The following IGF2R variants were observed in gnomAD, a reference collection of about 807,000 sequenced individuals.
The protein encoded by IGF2R is insulin like growth factor 2 receptor, also known as cation-independent mannose-6-phosphate receptor.
IGF2R carries 91 observed loss-of-function variants against 270.6 expected under a neutral mutation model. The observed-to-expected ratio is 0.34, with a 90% CI of 0.28 to 0.40. The LOEUF is 0.40. Ranked by LOEUF, IGF2R falls within the 10% of genes least tolerant of loss-of-function variation. The pLI, the probability that IGF2R is intolerant of heterozygous loss-of-function variation, is 1.00. For missense variants in IGF2R, 2,805 were observed against 3,188.3 expected (o/e 0.88, Z 2.90); for synonymous variants, 1,316 against 1,258.9 (o/e 1.05, Z -0.96).
intron 4 of IGF2R, among the ~76,000 whole-genome samples, chr6:160,015,787 G>T (rs188924482): frequency 6.6e-6 from 1 of 152,272 alleles, no homozygotes; most frequent in African/African-American, 2.4e-5. Context: ...AAATCATGGG[G>T]GTCCCTCATG....
intron 7 of IGF2R, among the ~76,000 whole-genome samples, chr6:160,031,310 CTTTA>C (rs957962861): frequency 6.6e-6 from 1 of 151,996 alleles, no homozygotes; most frequent in Non-Finnish European, 1.5e-5. Flanking sequence ...TTTAAAAATG[CTTTA>C]TTTAATTTAT....
chr6:160,064,378 T>G (rs761561639), intron 27 of IGF2R, 23 bp from the exon 28 acceptor site: 3 of 1,614,176 alleles, frequency 1.9e-6, no homozygotes, highest in South Asian at 1.1e-5. Context: ...CCAAACCTTG[T>G]TTAATGTTCT....
chr6:160,105,325 GT>G lies in IGF2R; in HGVS notation c.*245del. The G allele has an allele frequency of 2.2e-6, 1 of 460,122 alleles. No homozygotes were observed. The highest frequency in any genetic ancestry group is 4.1e-5 in the South Asian group (1 of 24,496). 28.5% of individuals were successfully genotyped at this position (460,122 alleles called of 1,614,324 possible). A position where few individuals can be genotyped will look rare whatever the true frequency, so the allele number is the denominator to read the frequency against. On this transcript the variant is annotated 3_prime_UTR_variant, in exon 48 of 48. Coordinates refer to ENST00000356956, the MANE Select transcript of IGF2R (RefSeq NM_000876.4). Reference sequence around the variant, plus strand: ...CACAGGGCGGTACCTTGTGCCCAGGGTTTTGCCCCAAGTCCTCATTTAAAAG... The same window carrying G: ...CACAGGGCGGTACCTTGTGCCCAGGGTTTGCCCCAAGTCCTCATTTAAAAG...
Position 160,089,902 on chromosome 6 carries a change from T to C in IGF2R, c.6468-14T>C. 1 of 1,531,276 alleles carries C rather than the reference T, an allele frequency of 6.5e-7. No individual in the cohort carries two copies. The highest frequency in any genetic ancestry group is 1.4e-5 in the African/African-American group (1 of 71,346). 94.9% of individuals were successfully genotyped at this position (1,531,276 alleles called of 1,614,324 possible). On this transcript the variant is annotated splice_polypyrimidine_tract_variant and intron_variant, in intron 43 of 47. Coordinates refer to ENST00000356956, the MANE Select transcript of IGF2R (RefSeq NM_000876.4). ...AGGACTTCCATGTCACTGTGATCTTTTCTGTCTCTTCAGGCTGTTCAGAGC... is the reference window on the plus strand; with the variant it reads ...AGGACTTCCATGTCACTGTGATCTTCTCTGTCTCTTCAGGCTGTTCAGAGC...
intron 35 of IGF2R, 21 bp downstream of exon 35, chr6:160,073,996 G>A (rs1410506700): frequency 6.4e-7 from 1 of 1,569,634 alleles, no homozygotes; most frequent in Non-Finnish European, 8.7e-7. Context: ...CAAATCCAAG[G>A]GTGGAGATAA....
In IGF2R at chr6:160,073,901, C is replaced by T; in HGVS notation, c.5092C>T (p.Leu1698=). 3.1e-6 allele frequency: 5 copies of T among 1,614,246 alleles called. No homozygotes were observed. The highest frequency in any genetic ancestry group is 4.2e-6 in the Non-Finnish European group (5 of 1,180,038). Residue 1698 remains leucine, a synonymous_variant, in exon 35 of 48, where the codon CTA becomes TTA. Transcript: ENST00000356956. The part of the protein sequence containing the change: ...PDFYINICQP[L]NPMHGVPCPA... ...TTTCTACATCAATATTTGTCAGCCA[C>T]TAAATCCCATGCACGGAGTGCCCTG...
chr6:159,994,900 G>T (rs375213841), intron 2 of IGF2R, among the ~76,000 whole-genome samples: 1 of 152,260 alleles, frequency 6.6e-6, no homozygotes, highest in African/African-American at 2.4e-5. Flanking sequence ...GTGCTAAGAG[G>T]AATGTATGTC....
At chr6:160,009,252 A>C in intron 3 of IGF2R, 118 bp downstream of exon 3, 1 of 811,632 alleles carries the variant, frequency 1.2e-6, no homozygotes, top group Non-Finnish European at 1.9e-6. Context: ...AACACAAATA[A>C]GAAAAACCCT....
At chr6:160,013,490 T>C (rs1369440533) in intron 4 of IGF2R, among the ~76,000 whole-genome samples, 1 of 152,064 alleles carries the variant, frequency 6.6e-6, no homozygotes, top group African/African-American at 2.4e-5. Context: ...GTATAGTCTG[T>C]GTTTTTCTCA....
chr6:160,074,343 G>A (rs566572888), intron 35 of IGF2R, among the ~76,000 whole-genome samples: 1 of 152,358 alleles, frequency 6.6e-6, no homozygotes, highest in African/African-American at 2.4e-5. Context: ...TAGTTAAAAC[G>A]CTTGCGAAAT....
At chr6:160,047,091 C>T in intron 15 of IGF2R, 68 bp from the exon 16 acceptor site, 1 of 1,477,922 alleles carries the variant, frequency 6.8e-7, no homozygotes, top group Admixed American at 1.7e-5. Flanking sequence ...GCCCTCCCTT[C>T]AGTGTGGCAG....
chr6:160,095,599 G>T (rs1318917205), intron 44 of IGF2R: 1 of 152,184 alleles, frequency 6.6e-6, no homozygotes, highest in Admixed American at 6.5e-5. Flanking sequence ...TCCTTGTGTA[G>T]ACCACTGCTA....
intron 14 of IGF2R, 73 bp downstream of exon 14, chr6:160,045,955 G>A (rs1583277459): frequency 7.4e-7 from 1 of 1,354,226 alleles, no homozygotes; most frequent in East Asian, 2.6e-5. Flanking sequence ...AACATTCTGT[G>A]TGAGGTTTTC....
intron 10 of IGF2R, among the ~76,000 whole-genome samples, chr6:160,037,117 G>A (rs1429009027): frequency 2.0e-5 from 3 of 152,136 alleles, no homozygotes; most frequent in East Asian, 1.9e-4. Flanking sequence ...TGCCAAGAAC[G>A]AACATTCCTT....
In IGF2R at chr6:160,107,164, T is replaced by C. The variant is rs563554963; in HGVS notation, c.*2080T>C. ...TCTCCTGAGGAAGACATGTCAGGTCTTCTAAAAGTTTACATTATGACCAAA... is the reference window on the plus strand; with the variant it reads ...TCTCCTGAGGAAGACATGTCAGGTCCTCTAAAAGTTTACATTATGACCAAA... On this transcript the variant is annotated 3_prime_UTR_variant, in exon 48 of 48. Transcript: ENST00000356956. 6.6e-6 allele frequency: 1 copy of C among 152,364 alleles called. No homozygotes were observed. Among genetic ancestry groups the C allele is most frequent in the South Asian group, 2.1e-4 (1 of 4,832 alleles). The allele number at this position is 152,364 out of a possible 1,614,324, so 9.4% of individuals were successfully genotyped here.
intron 42 of IGF2R, among the ~76,000 whole-genome samples, chr6:160,088,632 T>C (rs1296521047): frequency 2.6e-5 from 4 of 152,148 alleles, no homozygotes; most frequent in African/African-American, 7.2e-5. Context: ...TGAACAGAAC[T>C]GATTCCTTCC....
In IGF2R at chr6:160,056,445, C is replaced by T. The variant is rs376558845; in HGVS notation, c.2716C>T (p.Leu906Phe). 4 of 1,613,910 alleles carry T rather than the reference C, an allele frequency of 2.5e-6. No homozygotes were observed. Among genetic ancestry groups the T allele is most frequent in the Non-Finnish European group, 3.4e-6 (4 of 1,179,770 alleles). ...GRLNSHPIFS[L>F]NWECVVSFLW... ...TCAGAACAGCCACCCCATCTTTTCT[C>T]TCAACTGGGAGTGTGTGGTCAGTTT... Residue 906 changes from leucine (L) to phenylalanine (F), a missense_variant, in exon 20 of 48, where the codon CTC becomes TTC. Physicochemically the swap from Leu to Phe is conservative, Grantham distance 22. Coordinates refer to ENST00000356956, the MANE Select transcript of IGF2R (RefSeq NM_000876.4).
In IGF2R at chr6:160,111,388, A is replaced by T. The variant is rs1779736427; in HGVS notation, c.*6304A>T. The T allele has an allele frequency of 6.6e-6, 1 of 152,360 alleles. No homozygotes were observed. Among genetic ancestry groups the T allele is most frequent in the Non-Finnish European group, 1.5e-5 (1 of 68,118 alleles). 9.4% of individuals were successfully genotyped at this position (152,360 alleles called of 1,614,324 possible). ...GGTAAAGACAAGGATGAAGACCTTTATGATGATCCACTTCCACTTAATATA... is the reference window on the plus strand; with the variant it reads ...GGTAAAGACAAGGATGAAGACCTTTTTGATGATCCACTTCCACTTAATATA... On this transcript the variant is annotated 3_prime_UTR_variant, in exon 48 of 48. Coordinates refer to ENST00000356956, the MANE Select transcript of IGF2R (RefSeq NM_000876.4).
At chr6:160,082,415 T>TACTCCTGCCTCAGCCTCCCAAGTAGC (rs1562372243) in intron 39 of IGF2R, among the ~76,000 whole-genome samples, 1 of 152,058 alleles carries the variant, frequency 6.6e-6, no homozygotes, top group Non-Finnish European at 1.5e-5. Flanking sequence ...TTTCAAGTGA[T>TACTCCTGCCTCAGCCTCCCAAGTAGC]ACTCCTGCCT....
Sources: allele counts gnomAD v4.1 joint callset (sites outside exome capture counted in the v4.1 genomes callset), GRCh38; gene constraint gnomAD v4.1.1; transcripts MANE v1.5; gene names NCBI Gene and HGNC (gene_info 2026-07-23, HGNC 2026-07-21).